The following DENND2C variants were observed in gnomAD, a reference collection of about 807,000 sequenced individuals.
DENND2C encodes the protein DENN domain containing 2C, also known as DENN domain-containing protein 2C.
A neutral mutation model predicts 112.4 loss-of-function variants in DENND2C; 72 were observed. That is an observed-to-expected ratio of 0.64 (90% confidence interval 0.53 to 0.78). The LOEUF is 0.78. Ranked by LOEUF, DENND2C falls within the 30% of genes least tolerant of loss-of-function variation. The pLI is 0.00. For synonymous variants in DENND2C, 329 were observed against 381.6 expected, an observed-to-expected ratio of 0.86 and a Z score of 1.61; for missense variants, 992 against 1,113.8, an observed-to-expected ratio of 0.89 and a Z score of 1.56.
chr1:114,590,569 G>A (rs1002977489), intron 18 of DENND2C, among the ~76,000 whole-genome samples: 7 of 151,514 alleles, frequency 4.6e-5, no homozygotes, highest in African/African-American at 1.5e-4. Context: ...ACGAGGTCAG[G>A]AGATCGAGAC....
chr1:114,626,694 T>C (rs1656352258), intron 3 of DENND2C, among the ~76,000 whole-genome samples: 1 of 151,848 alleles, frequency 6.6e-6, no homozygotes, highest in African/African-American at 2.4e-5. Context: ...GTATTTTTCG[T>C]AGAGACGGAG....
intron 3 of DENND2C, among the ~76,000 whole-genome samples, chr1:114,632,195 T>A (rs1251709643): frequency 1.3e-5 from 2 of 152,228 alleles, no homozygotes; most frequent in East Asian, 1.9e-4. Flanking sequence ...ACCCTACATA[T>A]AACTGGAGTC....
chr1:114,661,915 AT>A (rs1302648196), intron 1 of DENND2C, among the ~76,000 whole-genome samples: 3 of 152,188 alleles, frequency 2.0e-5, no homozygotes, highest in Non-Finnish European at 4.4e-5. Context: ...ACGACTCACC[AT>A]TTTTAACAAC....
chr1:114,607,152 G>T (rs1402529579), intron 10 of DENND2C, among the ~76,000 whole-genome samples: 1 of 152,226 alleles, frequency 6.6e-6, no homozygotes, highest in African/African-American at 2.4e-5. Context: ...GACAACAAGA[G>T]AACTCATCCT....
intron 2 of DENND2C, among the ~76,000 whole-genome samples, chr1:114,648,742 G>A (rs998631749): frequency 6.6e-6 from 1 of 152,094 alleles, no homozygotes; most frequent in Non-Finnish European, 1.5e-5. Flanking sequence ...CCACCTGGTG[G>A]ATAAAAAGAG....
At chr1:114,667,494 A>T (rs548154216) in intron 1 of DENND2C, among the ~76,000 whole-genome samples, 65 of 152,304 alleles carry the variant, frequency 4.3e-4, no homozygotes, top group Middle Eastern at 3.4e-3. Context: ...TATTGTTAAG[A>T]TAATGCCATA....
At chr1:114,610,639 G>T (rs968906487) in intron 9 of DENND2C, among the ~76,000 whole-genome samples, 2 of 151,440 alleles carry the variant, frequency 1.3e-5, no homozygotes, top group African/African-American at 4.9e-5. Flanking sequence ...GGCAGAGGTT[G>T]CAGTGAGCCG....
At position 114,599,452 on chromosome 1, in the gene DENND2C, C is replaced by A; in HGVS notation, c.2106-1G>T. The A allele has an allele frequency of 6.2e-7, 1 of 1,610,916 alleles. No individual in the cohort carries two copies. Among genetic ancestry groups the A allele is most frequent in the Middle Eastern group, 1.7e-4 (1 of 6,052 alleles). ...AGCATGGCCACATTTTGACAGGGTG[C>A]TAGCCAGAGGAGAAAACAAATGGTG... On this transcript the variant is annotated splice_acceptor_variant, in intron 15 of 20. Transcript: ENST00000393274. LOFTEE classifies it high-confidence loss of function.
intron 3 of DENND2C, among the ~76,000 whole-genome samples, chr1:114,637,886 T>TTG (rs1462112421): frequency 6.6e-6 from 1 of 152,142 alleles, no homozygotes; most frequent in Non-Finnish European, 1.5e-5. Context: ...AATCTCCAGA[T>TTG]TGTTGAATCT....
At chr1:114,668,254 C>T (rs535697090) in intron 1 of DENND2C, among the ~76,000 whole-genome samples, 19 of 152,160 alleles carry the variant, frequency 1.2e-4, no homozygotes, top group African/African-American at 4.3e-4. Flanking sequence ...AAAGACCCAT[C>T]CTCCACTGAA....
chr1:114,598,929 T>C (rs1251821464), intron 16 of DENND2C, among the ~76,000 whole-genome samples: 1 of 152,152 alleles, frequency 6.6e-6, no homozygotes, highest in African/African-American at 2.4e-5. Context: ...GTGATCCACC[T>C]GCCTCAGCCT....
intron 9 of DENND2C, among the ~76,000 whole-genome samples, chr1:114,609,529 T>C (rs1017480924): frequency 4.6e-5 from 7 of 152,232 alleles, no homozygotes; most frequent in African/African-American, 1.4e-4. Flanking sequence ...TATGGAAGCA[T>C]ACTATTTAAA....
chr1:114,655,883 A>AATATATATATATAT (rs10525704), intron 1 of DENND2C, among the ~76,000 whole-genome samples: 3,346 of 125,796 alleles, frequency 0.027, 130 homozygotes, highest in African/African-American at 0.083. Context: ...TATATGTATA[A>AATATATATATATAT]ATATATATAT....
intron 10 of DENND2C, among the ~76,000 whole-genome samples, chr1:114,607,622 A>G (rs1360662615): frequency 2.0e-5 from 3 of 152,220 alleles, no homozygotes; most frequent in African/African-American, 7.2e-5. Context: ...ACAGAGACTA[A>G]GAAGATCTTT....
rs557584570 is a variant in DENND2C at position 114,644,763 on chromosome 1, C to T, written c.-205+685G>A. Among the ~76,000 whole-genome samples, 38 of 152,186 alleles carry T rather than the reference C, an allele frequency of 2.5e-4. No homozygotes were observed. In the East Asian group the frequency reaches 5.8e-3, roughly 23 times the overall value. ...TTCGATGGCTTTCTAAGGTCATATA[C>T]GTTGTTACAATTTGAAAAGCATAAT... On this transcript the variant is annotated intron_variant, in intron 3 of 20. Transcript: ENST00000393274.
intron 3 of DENND2C, among the ~76,000 whole-genome samples, chr1:114,642,194 G>A (rs1017857558): frequency 1.3e-5 from 2 of 152,020 alleles, no homozygotes; most frequent in African/African-American, 2.4e-5. Flanking sequence ...CAAGTGATCC[G>A]TCCGCCTCGG....
At chr1:114,645,860 A>G (rs1355466290) in intron 2 of DENND2C, among the ~76,000 whole-genome samples, 3 of 152,226 alleles carry the variant, frequency 2.0e-5, no homozygotes, top group Non-Finnish European at 2.9e-5. Flanking sequence ...AACATTAAGT[A>G]ATAATTGATA....
At chr1:114,654,017 C>T (rs954800048) in intron 2 of DENND2C, among the ~76,000 whole-genome samples, 1 of 152,120 alleles carries the variant, frequency 6.6e-6, no homozygotes, top group African/African-American at 2.4e-5. Flanking sequence ...TAACTTTAAT[C>T]TGTAAGAATA....
At chr1:114,641,969 T>C (rs1656849458) in intron 3 of DENND2C, among the ~76,000 whole-genome samples, 1 of 152,066 alleles carries the variant, frequency 6.6e-6, no homozygotes, top group Non-Finnish European at 1.5e-5. Context: ...ATATATTTTT[T>C]TGAGATGGAG....
Sources: allele counts gnomAD v4.1 joint callset (sites outside exome capture counted in the v4.1 genomes callset), GRCh38; gene constraint gnomAD v4.1.1; transcripts MANE v1.5; gene names NCBI Gene and HGNC (gene_info 2026-07-23, HGNC 2026-07-21).